The following ITFG1 variants were observed in gnomAD, a reference collection of about 807,000 sequenced individuals.
The protein encoded by ITFG1 is T-cell immunomodulatory protein.
ITFG1 carries 34 observed loss-of-function variants against 81.8 expected under a neutral mutation model. The observed-to-expected ratio is 0.42, with a 90% CI of 0.32 to 0.55. The LOEUF (loss-of-function observed/expected upper bound fraction) is 0.55, where lower values mean the gene tolerates loss of function less well. ITFG1 is among the 20% of genes least tolerant of loss of function. The pLI, the probability that ITFG1 is intolerant of heterozygous loss-of-function variation, is 0.17. For synonymous variants in ITFG1, 285 were observed against 270.6 expected, an observed-to-expected ratio of 1.05 and a Z score of -0.52; for missense variants, 672 against 755.4, an observed-to-expected ratio of 0.89 and a Z score of 1.29.
At chr16:47,376,863 G>A (rs1968331250) in intron 6 of ITFG1, among the ~76,000 whole-genome samples, 1 of 150,934 alleles carries the variant, frequency 6.6e-6, no homozygotes, top group African/African-American at 2.4e-5. Context: ...CAGCCACTTG[G>A]GAGGCTGAGG....
At chr16:47,178,563 AC>A (rs1486120728) in intron 14 of ITFG1, among the ~76,000 whole-genome samples, 1 of 152,228 alleles carries the variant, frequency 6.6e-6, no homozygotes, top group Non-Finnish European at 1.5e-5. Flanking sequence ...TACACCTTAT[AC>A]AAAAATTAAT....
At chr16:47,268,822 A>C (rs1966306403) in intron 10 of ITFG1, among the ~76,000 whole-genome samples, 1 of 152,272 alleles carries the variant, frequency 6.6e-6, no homozygotes, top group Admixed American at 6.5e-5. Flanking sequence ...GACCAAGTTG[A>C]ATTTATTGCA....
intron 14 of ITFG1, among the ~76,000 whole-genome samples, chr16:47,194,589 G>A (rs1257569735): frequency 2.0e-5 from 3 of 152,138 alleles, no homozygotes; most frequent in East Asian, 1.9e-4. Flanking sequence ...GTTCTCTAGC[G>A]CTGCAAATAA....
intron 10 of ITFG1, among the ~76,000 whole-genome samples, chr16:47,294,503 C>G (rs1045559160): frequency 6.6e-6 from 1 of 152,018 alleles, no homozygotes; most frequent in East Asian, 1.9e-4. Context: ...GGATGTTTTT[C>G]CATCTTTTTG....
chr16:47,365,963 T>C (rs1392021845), intron 7 of ITFG1, 94 bp from the exon 8 acceptor site: 1 of 682,366 alleles, frequency 1.5e-6, no homozygotes, highest in East Asian at 2.5e-5. Flanking sequence ...GGGAAATAAA[T>C]AACTTCAGTA....
intron 14 of ITFG1, among the ~76,000 whole-genome samples, chr16:47,186,073 C>A (rs1364740896): frequency 6.6e-6 from 1 of 152,110 alleles, no homozygotes; most frequent in African/African-American, 2.4e-5. Flanking sequence ...GAAGTTGAAT[C>A]TCTGAATAGA....
intron 5 of ITFG1, chr16:47,448,722 G>C (rs1401143269): frequency 6.8e-6 from 1 of 148,050 alleles, no homozygotes; most frequent in Non-Finnish European, 1.5e-5. Context: ...ACAATATTCT[G>C]AATGAGTATG....
At chr16:47,157,587 C>G (rs1422219582) in intron 17 of ITFG1, 1 of 152,158 alleles carries the variant, frequency 6.6e-6, no homozygotes, top group Non-Finnish European at 1.5e-5. Context: ...AGATGATATT[C>G]TGATACTTCT....
chr16:47,271,641 C>T (rs1241612421), intron 10 of ITFG1, among the ~76,000 whole-genome samples: 9 of 152,120 alleles, frequency 5.9e-5, no homozygotes, highest in South Asian at 2.1e-4. Flanking sequence ...GGGTGGATCA[C>T]GAGGTCAGGA....
At position 47,402,012 on chromosome 16, in the gene ITFG1, G is replaced by A. The variant is rs9940019; in HGVS notation, c.656-26072C>T. Among the ~76,000 whole-genome samples, 643 of 152,024 alleles carry A rather than the reference G, an allele frequency of 4.2e-3. 6 individuals are homozygous for A. Among genetic ancestry groups the A allele is most frequent in the African/African-American group, 0.015 (613 of 41,446 alleles). On this transcript the variant is annotated intron_variant, in intron 6 of 17. Coordinates refer to ENST00000320640, the MANE Select transcript of ITFG1 (RefSeq NM_030790.5). Reference sequence around the variant, plus strand: ...ACTCTTCATGATGACATATTTTCTCGTTTATTTTCTCATCCCCAAGGGGCT... The same window carrying A: ...ACTCTTCATGATGACATATTTTCTCATTTATTTTCTCATCCCCAAGGGGCT...
At chr16:47,210,659 T>G (rs970327998) in intron 14 of ITFG1, among the ~76,000 whole-genome samples, 1 of 152,212 alleles carries the variant, frequency 6.6e-6, no homozygotes, top group Non-Finnish European at 1.5e-5. Context: ...ATATTTTACA[T>G]TTATGTCCAT....
chr16:47,209,760 A>C (rs183694565), intron 14 of ITFG1, among the ~76,000 whole-genome samples: 31 of 152,318 alleles, frequency 2.0e-4, no homozygotes, highest in African/African-American at 6.5e-4. Context: ...CTTCATTTCT[A>C]TAACTTTTTT....
chr16:47,460,776 T>A lies in ITFG1; in HGVS notation c.208+62A>T, dbSNP rs368296325. ...AAGGACCGGCCATTGGGCAATGGGT[T>A]TGGGGAACACCGGGAGAGGCACACG... On this transcript the variant is annotated intron_variant, in intron 1 of 17. Transcript: ENST00000320640. The A allele has an allele frequency of 1.3e-3, 2,085 of 1,566,438 alleles. 51 individuals carry two copies. The South Asian group carries it at 0.022, about 17-fold the overall frequency.
chr16:47,377,048 C>CTACATTAGA (rs1239705207), intron 6 of ITFG1, among the ~76,000 whole-genome samples: 1 of 149,378 alleles, frequency 6.7e-6, no homozygotes, highest in Admixed American at 6.6e-5. Flanking sequence ...TTTTCCCTTC[C>CTACATTAGA]TACATTAGAT....
intron 10 of ITFG1, among the ~76,000 whole-genome samples, chr16:47,310,511 CTAATTA>C (rs1388635387): frequency 6.6e-6 from 1 of 152,122 alleles, no homozygotes; most frequent in African/African-American, 2.4e-5. Flanking sequence ...AGGATTCAAG[CTAATTA>C]TGAGTTTAAC....
chr16:47,333,981 C>T (rs1303775536), intron 8 of ITFG1, among the ~76,000 whole-genome samples: 1 of 152,168 alleles, frequency 6.6e-6, no homozygotes, highest in Non-Finnish European at 1.5e-5. Context: ...TATCATCTGG[C>T]ACACCATTTA....
chr16:47,243,163 G>A (rs1965957033), intron 12 of ITFG1, among the ~76,000 whole-genome samples: 2 of 152,060 alleles, frequency 1.3e-5, no homozygotes, highest in Admixed American at 1.3e-4. Context: ...CATACTATAT[G>A]ATACTATTCA....
In ITFG1 at chr16:47,256,886, C is replaced by T. The variant is rs185296106; in HGVS notation, c.1330+1746G>A. ...AAAGTACATGTGCCTTTTTTGGTCA[C>T]ACAAATCAACATGGGTCTCTTGGTG... On this transcript the variant is annotated intron_variant, in intron 12 of 17. Transcript: ENST00000320640. Among the ~76,000 whole-genome samples the T allele has an allele frequency of 8.1e-3, 1,230 of 152,212 alleles. 17 individuals carry two copies. Among genetic ancestry groups the T allele is most frequent in the African/African-American group, 0.029 (1,194 of 41,538 alleles).
intron 12 of ITFG1, among the ~76,000 whole-genome samples, chr16:47,244,727 T>C (rs1013322879): frequency 1.3e-5 from 2 of 151,554 alleles, no homozygotes; most frequent in Admixed American, 1.3e-4. Context: ...TAACCCCCAA[T>C]GTGGCTGTTC....
Sources: allele counts gnomAD v4.1 joint callset (sites outside exome capture counted in the v4.1 genomes callset), GRCh38; gene constraint gnomAD v4.1.1; transcripts MANE v1.5; gene names NCBI Gene and HGNC (gene_info 2026-07-23, HGNC 2026-07-21).